FAM135B: variants seen among roughly 807,000 people sequenced by gnomAD.
FAM135B encodes family with sequence similarity 135 member B.
FAM135B carries 43 observed loss-of-function variants against 127.7 expected under a neutral mutation model. The observed-to-expected ratio is 0.34, with a 90% CI of 0.26 to 0.43. The LOEUF is 0.43. Ranked by LOEUF, FAM135B falls within the 20% of genes least tolerant of loss-of-function variation. The pLI is 1.00. For missense variants in FAM135B, 1,558 were observed against 1,725.6 expected (o/e 0.90, Z 1.72); for synonymous variants, 670 against 665.1 (o/e 1.01, Z -0.11).
chr8:138,172,984 C>T (rs75282725), intron 11 of FAM135B, among the ~76,000 whole-genome samples: 330 of 152,246 alleles, frequency 2.2e-3, no homozygotes, highest in African/African-American at 6.9e-3. Context: ...TGTGTCTGAG[C>T]GTGCATGGCC....
At chr8:138,470,940 G>A (rs1837641824) in intron 1 of FAM135B, among the ~76,000 whole-genome samples, 1 of 152,206 alleles carries the variant, frequency 6.6e-6, no homozygotes, top group Non-Finnish European at 1.5e-5. Context: ...GTGCTCCAAT[G>A]AACTCTCTTA....
At chr8:138,230,586 G>C (rs540875032) in intron 7 of FAM135B, among the ~76,000 whole-genome samples, 10 of 152,242 alleles carry the variant, frequency 6.6e-5, no homozygotes, top group South Asian at 2.1e-4. Flanking sequence ...CACAAATTCT[G>C]CTGCTGGTTG....
At chr8:138,497,635 C>A (rs1307435625), upstream of FAM135B, among the ~76,000 whole-genome samples, 1 of 152,162 alleles carries the variant, frequency 6.6e-6, no homozygotes, top group Non-Finnish European at 1.5e-5. Flanking sequence ...ACCTCCAATG[C>A]GAAGTCAGCA....
At chr8:138,461,597 T>G (rs1837121210) in intron 1 of FAM135B, among the ~76,000 whole-genome samples, 1 of 152,196 alleles carries the variant, frequency 6.6e-6, no homozygotes, top group South Asian at 2.1e-4. Context: ...GAGCTAGCTA[T>G]TTAGCACCTG....
chr8:138,196,165 T>G (rs78535464), intron 8 of FAM135B, among the ~76,000 whole-genome samples: 4,635 of 152,298 alleles, frequency 0.03, 113 homozygotes, highest in Non-Finnish European at 0.047. Context: ...AATGAACAAA[T>G]AAATTCAGCT....
At chr8:138,285,177 C>T (rs1348473855) in intron 3 of FAM135B, among the ~76,000 whole-genome samples, 3 of 118,390 alleles carry the variant, frequency 2.5e-5, no homozygotes, top group Non-Finnish European at 4.9e-5. Flanking sequence ...GACAGAGTCT[C>T]ACTCTGTCAC....
intron 7 of FAM135B, among the ~76,000 whole-genome samples, chr8:138,224,840 G>A (rs1819291560): frequency 6.6e-6 from 1 of 152,074 alleles, no homozygotes; most frequent in African/African-American, 2.4e-5. Context: ...CACGATCTCA[G>A]TTATATGTGG....
At chr8:138,428,330 G>A (rs941086880) in intron 1 of FAM135B, among the ~76,000 whole-genome samples, 3 of 151,988 alleles carry the variant, frequency 2.0e-5, no homozygotes, top group South Asian at 2.1e-4. Flanking sequence ...ACAGTCCAAC[G>A]CCCAAACTAT....
At chr8:138,424,992 T>G (rs1834758740) in intron 1 of FAM135B, among the ~76,000 whole-genome samples, 1 of 152,196 alleles carries the variant, frequency 6.6e-6, no homozygotes, top group Admixed American at 6.5e-5. Context: ...GCCAGCCAAC[T>G]CCATTGATTA....
chr8:138,453,411 A>T (rs1414654465), intron 1 of FAM135B, among the ~76,000 whole-genome samples: 4 of 151,002 alleles, frequency 2.6e-5, no homozygotes, highest in African/African-American at 9.8e-5. Flanking sequence ...CTTCTCTCAC[A>T]TAGGTCCAAG....
At chr8:138,289,740 C>T (rs551425409) in intron 3 of FAM135B, among the ~76,000 whole-genome samples, 6 of 152,310 alleles carry the variant, frequency 3.9e-5, no homozygotes, top group African/African-American at 1.4e-4. Context: ...TATTACGTTG[C>T]CACCCATGTT....
chr8:138,490,004 C>CT (rs1381322502), intron 1 of FAM135B, among the ~76,000 whole-genome samples: 4 of 152,118 alleles, frequency 2.6e-5, no homozygotes, highest in African/African-American at 9.7e-5. Context: ...ACTTGTTTGT[C>CT]TTTTTTAGAA....
chr8:138,277,749 G>C (rs1282619618), intron 3 of FAM135B, among the ~76,000 whole-genome samples: 3 of 152,148 alleles, frequency 2.0e-5, no homozygotes, highest in South Asian at 2.1e-4. Flanking sequence ...TCCCAGAGTA[G>C]TGTGAATATT....
intron 18 of FAM135B, 109 bp from the exon 19 acceptor site, chr8:138,137,369 T>G (rs1046097076): frequency 1.4e-6 from 1 of 703,458 alleles, no homozygotes; most frequent in Non-Finnish European, 2.6e-6. Context: ...GAAAAAATGT[T>G]GACACACCAC....
At chr8:138,346,010 T>A (rs1272410125) in intron 2 of FAM135B, among the ~76,000 whole-genome samples, 1 of 152,210 alleles carries the variant, frequency 6.6e-6, no homozygotes, top group African/African-American at 2.4e-5. Context: ...GAACAGACAC[T>A]TCTCAAAAGA....
At chr8:138,168,640 T>G (rs1184557968) in intron 11 of FAM135B, among the ~76,000 whole-genome samples, 1 of 152,206 alleles carries the variant, frequency 6.6e-6, no homozygotes, top group Non-Finnish European at 1.5e-5. Context: ...ATGACATATA[T>G]ATCCTTCCAT....
intron 1 of FAM135B, among the ~76,000 whole-genome samples, chr8:138,407,471 C>G (rs1833586188): frequency 6.6e-6 from 1 of 152,170 alleles, no homozygotes; most frequent in South Asian, 2.1e-4. Flanking sequence ...GCCAAAAGAA[C>G]AAAGCCGGAG....
intron 1 of FAM135B, among the ~76,000 whole-genome samples, chr8:138,377,306 C>A (rs1051288293): frequency 9.9e-5 from 15 of 152,278 alleles, no homozygotes; most frequent in African/African-American, 3.6e-4. Context: ...CAGGAAGAGA[C>A]CTCTCATGTA....
intron 1 of FAM135B, among the ~76,000 whole-genome samples, chr8:138,396,277 C>T (rs1030670328): frequency 1.3e-5 from 2 of 152,142 alleles, no homozygotes; most frequent in Non-Finnish European, 2.9e-5. Context: ...AAAGCAGTGG[C>T]CAGCGTGTGG....
Sources: allele counts gnomAD v4.1 joint callset (sites outside exome capture counted in the v4.1 genomes callset), GRCh38; gene constraint gnomAD v4.1.1; transcripts MANE v1.5; gene names NCBI Gene and HGNC (gene_info 2026-07-23, HGNC 2026-07-21).